B3GLCT: variants seen among roughly 807,000 people sequenced by gnomAD.
B3GLCT encodes the protein beta-1,3-glucosyltransferase.
B3GLCT carries 65 observed loss-of-function variants against 63.4 expected under a neutral mutation model. That is an observed-to-expected ratio of 1.03 (90% CI 0.84 to 1.26). B3GLCT has a LOEUF of 1.26. Among genes scored for constraint, B3GLCT ranks in the 50% most tolerant of loss-of-function variants. The pLI, the probability that B3GLCT is intolerant of heterozygous loss-of-function variation, is 0.00. For missense variants in B3GLCT, 577 were observed against 604.8 expected, an observed-to-expected ratio of 0.95 and a Z score of 0.48; for synonymous variants, 233 against 219.2, an observed-to-expected ratio of 1.06 and a Z score of -0.55.
chr13:31,215,600 G>A (rs142898176), intron 2 of B3GLCT, among the ~76,000 whole-genome samples: 1 of 152,076 alleles, frequency 6.6e-6, no homozygotes, highest in East Asian at 1.9e-4. Context: ...TTTTAGTGGA[G>A]ACGGGGTTTC....
chr13:31,268,362 G>A (rs1028618482), intron 7 of B3GLCT, among the ~76,000 whole-genome samples: 1 of 152,128 alleles, frequency 6.6e-6, no homozygotes, highest in Admixed American at 6.5e-5. Context: ...GGTCAGGTGC[G>A]GTGGGCAGTG....
At chr13:31,229,661 G>A (rs1024191703) in intron 4 of B3GLCT, among the ~76,000 whole-genome samples, 15 of 151,452 alleles carry the variant, frequency 9.9e-5, no homozygotes, top group African/African-American at 2.9e-4. Flanking sequence ...CAGAAGAATC[G>A]CTTGAACCCA....
intron 12 of B3GLCT, among the ~76,000 whole-genome samples, chr13:31,292,959 TC>T (rs1292030274): frequency 1.3e-5 from 2 of 152,206 alleles, no homozygotes; most frequent in Non-Finnish European, 2.9e-5. Context: ...GCTATAAATT[TC>T]CCGCTAAACA....
intron 4 of B3GLCT, among the ~76,000 whole-genome samples, chr13:31,239,014 G>T (rs1870796799): frequency 6.6e-6 from 1 of 152,212 alleles, no homozygotes; most frequent in Admixed American, 6.5e-5. Context: ...GAAAGACAGG[G>T]AAAATGAGCT....
rs1288806902 is a variant in B3GLCT, at chr13:31,272,849, A to G, written c.661-1660A>G. Among the ~76,000 whole-genome samples, 9 of 152,214 alleles carry G rather than the reference A, an allele frequency of 5.9e-5. 1 individual carries two copies. The highest frequency in any genetic ancestry group is 2.9e-5 in the Non-Finnish European group (2 of 68,004). On this transcript the variant is annotated intron_variant, in intron 8 of 14. Coordinates refer to ENST00000343307, the MANE Select transcript of B3GLCT (RefSeq NM_194318.4). ...TTTATTAACTCATCATATATTTGCC[A>G]TTGTTTTTGCTTATCATTCCATCTT... is the stretch of plus-strand genomic sequence containing the variant.
intron 8 of B3GLCT, among the ~76,000 whole-genome samples, chr13:31,272,282 C>G (rs1305814617): frequency 6.8e-6 from 1 of 147,078 alleles, no homozygotes. Context: ...GTGGCGCCAT[C>G]TTGGCTTACT....
chr13:31,284,348 C>T (rs187792866), intron 10 of B3GLCT, among the ~76,000 whole-genome samples: 19 of 152,212 alleles, frequency 1.2e-4, no homozygotes, highest in Admixed American at 9.2e-4. Context: ...AATTAGTTAA[C>T]ATTAATGTAA....
At chr13:31,308,332 TAA>T (rs555437821) in intron 12 of B3GLCT, among the ~76,000 whole-genome samples, 2,150 of 32,038 alleles carry the variant, frequency 0.067, 75 homozygotes, top group East Asian at 0.21. Flanking sequence ...TAGAGTATAA[TAA>T]AAAAAAAAAA....
intron 12 of B3GLCT, among the ~76,000 whole-genome samples, chr13:31,292,936 G>A (rs898946359): frequency 2.0e-5 from 3 of 152,056 alleles, no homozygotes; most frequent in Non-Finnish European, 4.4e-5. Context: ...ACCCTCTCCT[G>A]TGGGCATTTA....
intron 13 of B3GLCT, among the ~76,000 whole-genome samples, chr13:31,322,478 G>A (rs1045398997): frequency 1.3e-5 from 2 of 152,182 alleles, no homozygotes; most frequent in Non-Finnish European, 2.9e-5. Flanking sequence ...ATAGTTGGTG[G>A]CCAGAGCAGA....
intron 6 of B3GLCT, 55 bp from the exon 7 acceptor site, chr13:31,260,891 G>A: frequency 1.3e-6 from 2 of 1,526,872 alleles, no homozygotes; most frequent in East Asian, 4.5e-5. Context: ...ACCTTCTATT[G>A]GTCTTACATG....
At chr13:31,294,454 A>G (rs931132540) in intron 12 of B3GLCT, among the ~76,000 whole-genome samples, 10 of 152,208 alleles carry the variant, frequency 6.6e-5, no homozygotes, top group African/African-American at 2.4e-4. Flanking sequence ...CAGCAATCAA[A>G]CGTAGATTTG....
rs191109442 is a variant in B3GLCT at position 31,278,016 on chromosome 13, A to G, written c.850+1245A>G. Among the ~76,000 whole-genome samples the G allele has an allele frequency of 3.3e-5, 5 of 152,254 alleles. No homozygotes were observed. The East Asian group carries it at 7.7e-4, about 23-fold the overall frequency. ...AGGGTTTTGTGGGATTATTTTGACA[A>G]ATACCTTCTTTAAATAGGTGTTGGG... is the stretch of plus-strand genomic sequence containing the variant. On this transcript the variant is annotated intron_variant, in intron 10 of 14. Transcript: ENST00000343307.
rs1386670928 is a variant in B3GLCT at position 31,219,676 on chromosome 13, G to A, written c.121-3276G>A. Among the ~76,000 whole-genome samples the A allele has an allele frequency of 4.6e-5, 7 of 152,194 alleles. No individual in the cohort carries two copies. The East Asian group carries it at 1.3e-3, about 29-fold the overall frequency. On this transcript the variant is annotated intron_variant, in intron 2 of 14. Coordinates refer to ENST00000343307, the MANE Select transcript of B3GLCT (RefSeq NM_194318.4). Reference sequence around the variant, plus strand: ...GTAGTAGGACCTACCTCACAGGGCTGTTTTGAAGATTAAGTGTGCCTGTTT... The same window carrying A: ...GTAGTAGGACCTACCTCACAGGGCTATTTTGAAGATTAAGTGTGCCTGTTT...
At chr13:31,295,025 T>C (rs1257437088) in intron 12 of B3GLCT, among the ~76,000 whole-genome samples, 3 of 151,820 alleles carry the variant, frequency 2.0e-5, no homozygotes, top group African/African-American at 7.3e-5. Context: ...TTGATGCTGA[T>C]GCTATTCCTT....
At chr13:31,296,885 A>G (rs1223503229) in intron 12 of B3GLCT, among the ~76,000 whole-genome samples, 1 of 152,162 alleles carries the variant, frequency 6.6e-6, no homozygotes, top group East Asian at 1.9e-4. Context: ...TTCATCTTGT[A>G]AAACTGAACC....
intron 4 of B3GLCT, among the ~76,000 whole-genome samples, chr13:31,234,127 C>A (rs1198214822): frequency 1.3e-5 from 2 of 152,028 alleles, no homozygotes; most frequent in Non-Finnish European, 2.9e-5. Flanking sequence ...ATGCCATTCT[C>A]CTGCCTCAGC....
chr13:31,314,852 G>A (rs1438973336), intron 12 of B3GLCT, among the ~76,000 whole-genome samples: 1 of 152,200 alleles, frequency 6.6e-6, no homozygotes, highest in South Asian at 2.1e-4. Flanking sequence ...CCCACATATT[G>A]TGGGAGGGAC....
At chr13:31,238,368 G>A (rs900185415) in intron 4 of B3GLCT, among the ~76,000 whole-genome samples, 2 of 152,182 alleles carry the variant, frequency 1.3e-5, no homozygotes, top group Non-Finnish European at 2.9e-5. Context: ...TCTGCAACAA[G>A]GGTCATTGTA....
Sources: gnomAD v4.1 joint callset for allele counts (sites outside exome capture counted in the v4.1 genomes callset) on GRCh38, gnomAD v4.1.1 for gene constraint, MANE v1.5 for transcripts, NCBI Gene and HGNC (gene_info 2026-07-23, HGNC 2026-07-21) for gene names.